Variants in MRO observed in about 807,000 individuals in gnomAD.
MRO encodes protein maestro.
A neutral mutation model predicts 31.0 loss-of-function variants in MRO; 28 were observed. The observed-to-expected ratio is 0.90, with a 90% CI of 0.67 to 1.24. The LOEUF (loss-of-function observed/expected upper bound fraction) is 1.24, where lower values mean the gene tolerates loss of function less well. MRO is among the 50% of genes most tolerant of loss of function. The probability of loss-of-function intolerance (pLI) is 0.00; values close to 1 mark genes in which losing one functional copy is unlikely to be tolerated. For missense variants in MRO, 332 were observed against 289.2 expected (o/e 1.15, Z -1.07); for synonymous variants, 108 against 108.4 (o/e 1.00, Z 0.02).
chr18:50,802,350 CCT>C (rs1913423394), intron 5 of MRO, among the ~76,000 whole-genome samples: 2 of 152,136 alleles, frequency 1.3e-5, no homozygotes, highest in African/African-American at 4.8e-5. Flanking sequence ...TGGACTCCGC[CCT>C]CTCTTTCTTT....
intron 4 of MRO, 23 bp from the exon 5 acceptor site, chr18:50,805,359 A>C: frequency 1.2e-6 from 2 of 1,610,166 alleles, no homozygotes; most frequent in Middle Eastern, 3.3e-4. Flanking sequence ...TTTGAAAAGC[A>C]GTAATAGCAC....
At position 50,801,427 on chromosome 18, in the gene MRO, T is replaced by C; in HGVS notation, c.507A>G (p.Lys169=). The change falls in exon 6 of 8, where the codon AAA becomes AAG. Residue 169 remains lysine, a synonymous_variant. Transcript: ENST00000398439. ...TCTGCTTAACCTGACTGGTGAAAAA[T>C]TTTTTCCATTTCCTCCCGGCAAAGG... The part of the protein sequence containing the change: ...LAAFAGRKWK[K]FFTSQVKQTR... 1.2e-6 allele frequency: 2 copies of C among 1,611,594 alleles called. No individual in the cohort carries two copies. The highest frequency in any genetic ancestry group is 1.7e-6 in the Non-Finnish European group (2 of 1,178,464).
At position 50,818,109 on chromosome 18, in the gene MRO, C is replaced by T. The variant is rs138130534; in HGVS notation, c.-5+1472G>A. On this transcript the variant is annotated intron_variant, in intron 2 of 7. Coordinates refer to ENST00000398439, the MANE Select transcript of MRO (RefSeq NM_031939.6). ...AGGATCATTCTCATCTGTTGCAACA[C>T]AGGATCTCAGAGAGGATCGTTTTAA... 7.8e-3 allele frequency among the ~76,000 whole-genome samples: 1,178 copies of T among 151,912 alleles called. 7 individuals are homozygous for T. The highest frequency in any genetic ancestry group is 0.014 in the Middle Eastern group (4 of 294).
At chr18:50,818,141 T>C (rs542393027) in intron 2 of MRO, among the ~76,000 whole-genome samples, 28 of 152,228 alleles carry the variant, frequency 1.8e-4, no homozygotes, top group African/African-American at 6.3e-4. Flanking sequence ...TTAAACACAC[T>C]GTGAATGAAC....
intron 5 of MRO, among the ~76,000 whole-genome samples, 185 bp downstream of exon 5, chr18:50,804,969 T>A (rs145969217): frequency 2.6e-5 from 4 of 152,090 alleles, no homozygotes; most frequent in African/African-American, 9.6e-5. Flanking sequence ...TTCTTTGTAT[T>A]TTAGTAAAGA....
chr18:50,820,468 C>G (rs1002541207), upstream of MRO, among the ~76,000 whole-genome samples: 1 of 152,162 alleles, frequency 6.6e-6, no homozygotes, highest in Admixed American at 6.5e-5. Flanking sequence ...AATTAGTTAT[C>G]GTCTCGCTCT....
At chr18:50,803,755 G>A (rs1452699495) in intron 5 of MRO, among the ~76,000 whole-genome samples, 2 of 152,228 alleles carry the variant, frequency 1.3e-5, no homozygotes, top group Non-Finnish European at 2.9e-5. Flanking sequence ...ATAAGGTCAA[G>A]GCCTCTTCTC....
intron 5 of MRO, among the ~76,000 whole-genome samples, chr18:50,802,327 G>A (rs1913416237): frequency 6.6e-6 from 1 of 152,112 alleles, no homozygotes; most frequent in African/African-American, 2.4e-5. Context: ...GTTTGTCCCT[G>A]AGTGCATTTC....
chr18:50,822,965 A>G (rs1436670806), upstream of MRO, among the ~76,000 whole-genome samples: 5 of 152,236 alleles, frequency 3.3e-5, no homozygotes, highest in Admixed American at 6.5e-5. Flanking sequence ...GCAGGAATTG[A>G]TAAGAGCCAA....
At chr18:50,804,118 A>G (rs1913682638) in intron 5 of MRO, among the ~76,000 whole-genome samples, 1 of 152,202 alleles carries the variant, frequency 6.6e-6, no homozygotes, top group Non-Finnish European at 1.5e-5. Context: ...TTCCTTGTCT[A>G]CAAAGTGAAG....
Position 50,799,076 on chromosome 18 carries a change from G to A in MRO, c.*261C>T. On this transcript the variant is annotated 3_prime_UTR_variant, in exon 8 of 8. Transcript: ENST00000398439. ...CACTGAATCTATATACACTTGGAAT[G>A]TTTTAAAGAAAGTGTGTACCTGCTC... 2.4e-6 allele frequency: 1 copy of A among 415,474 alleles called. No individual in the cohort carries two copies. Among genetic ancestry groups the A allele is most frequent in the Non-Finnish European group, 4.4e-6 (1 of 228,202 alleles). The allele number at this position is 415,474 out of a possible 1,614,324, so 25.7% of individuals were successfully genotyped here. A position where few individuals can be genotyped will look rare whatever the true frequency, so the allele number is the denominator to read the frequency against.
Position 50,809,280 on chromosome 18 carries a change from T to C in MRO, c.99+22A>G, listed in dbSNP as rs751694056. 9 of 1,585,536 alleles carry C rather than the reference T, an allele frequency of 5.7e-6. No homozygotes were observed. The East Asian group carries it at 6.7e-5, about 12-fold the overall frequency. On this transcript the variant is annotated intron_variant, in intron 3 of 7. Coordinates refer to ENST00000398439, the MANE Select transcript of MRO (RefSeq NM_031939.6). ...AACAGCTGCTGGGAGGAGAAATTTG[T>C]TCATAATATTTTGTGTCAGACCTTG...
chr18:50,817,073 A>T (rs761105720), intron 2 of MRO, among the ~76,000 whole-genome samples: 4 of 152,210 alleles, frequency 2.6e-5, no homozygotes, highest in Non-Finnish European at 4.4e-5. Context: ...ACTCAAGGTC[A>T]TGCTCCCATG....
upstream of MRO, among the ~76,000 whole-genome samples, chr18:50,821,560 G>A (rs534932173): frequency 2.6e-5 from 4 of 152,290 alleles, no homozygotes; most frequent in African/African-American, 9.6e-5. Flanking sequence ...CTGGAGAAAG[G>A]AAGCCCAAAG....
intron 3 of MRO, among the ~76,000 whole-genome samples, chr18:50,808,238 C>G (rs1280396176): frequency 6.6e-6 from 1 of 152,112 alleles, no homozygotes; most frequent in Non-Finnish European, 1.5e-5. Context: ...ACCCAGAAGA[C>G]AGCAACATGT....
chr18:50,808,725 G>T (rs2849234), intron 3 of MRO, among the ~76,000 whole-genome samples: 1 of 151,330 alleles, frequency 6.6e-6, no homozygotes, highest in Non-Finnish European at 1.5e-5. Flanking sequence ...AAAGTGCTGG[G>T]ATTACAGAGG....
At chr18:50,801,295 C>T in intron 6 of MRO, 54 bp downstream of exon 6, 1 of 1,483,050 alleles carries the variant, frequency 6.7e-7, no homozygotes, top group East Asian at 2.3e-5. Context: ...TCGCAACTCC[C>T]TTTATGAATA....
chr18:50,824,462 T>TC (rs200111361), upstream of MRO, among the ~76,000 whole-genome samples: 10 of 117,304 alleles, frequency 8.5e-5, no homozygotes, highest in Admixed American at 8.6e-5. Flanking sequence ...TTTCTTTCTT[T>TC]TTTTTTTTTT....
At chr18:50,817,458 A>C (rs1915023872) in intron 2 of MRO, among the ~76,000 whole-genome samples, 1 of 151,560 alleles carries the variant, frequency 6.6e-6, no homozygotes. Flanking sequence ...GCGCCACTGC[A>C]CTCCAGCTGG....
Sources: gnomAD v4.1 joint callset for allele counts (sites outside exome capture counted in the v4.1 genomes callset) on GRCh38, gnomAD v4.1.1 for gene constraint, MANE v1.5 for transcripts, NCBI Gene and HGNC (gene_info 2026-07-23, HGNC 2026-07-21) for gene names.